ACOX3: variants seen among roughly 807,000 people sequenced by gnomAD.
ACOX3 encodes the protein peroxisomal acyl-coenzyme A oxidase 3.
In ACOX3, 73 loss-of-function variants were observed where a neutral mutation model predicts 81.5. That is an observed-to-expected ratio of 0.90 (90% CI 0.74 to 1.09). ACOX3 has a LOEUF of 1.09. Among genes scored for constraint, ACOX3 ranks in the 50% least tolerant of loss-of-function variants. The pLI is 0.00. For synonymous variants in ACOX3, 387 were observed against 375.1 expected, an observed-to-expected ratio of 1.03 and a Z score of -0.37; for missense variants, 947 against 928.0, an observed-to-expected ratio of 1.02 and a Z score of -0.27.
rs1715458714 is a variant in ACOX3, at chr4:8,366,464, T to A, written c.*497A>T. 6.6e-6 allele frequency: 1 copy of A among 152,380 alleles called. No homozygotes were observed. Among genetic ancestry groups the A allele is most frequent in the Admixed American group, 6.5e-5 (1 of 15,312 alleles). 9.4% of individuals were successfully genotyped at this position (152,380 alleles called of 1,614,324 possible). A position where few individuals can be genotyped will look rare whatever the true frequency, so the allele number is the denominator to read the frequency against. Reference sequence around the variant, plus strand: ...TAAGTCTTAAACCACGACATTCAGATGATCTATGTGCAAATTAATAAGGTT... The same window carrying A: ...TAAGTCTTAAACCACGACATTCAGAAGATCTATGTGCAAATTAATAAGGTT... On this transcript the variant is annotated 3_prime_UTR_variant, in exon 18 of 18. Transcript: ENST00000356406.
At chr4:8,422,265 G>T (rs1349189818) in intron 1 of ACOX3, among the ~76,000 whole-genome samples, 1 of 151,990 alleles carries the variant, frequency 6.6e-6, no homozygotes, top group East Asian at 1.9e-4. Context: ...AGATATATAA[G>T]TAGTTAAGAA....
chr4:8,415,169 A>C (rs946604270), intron 3 of ACOX3, among the ~76,000 whole-genome samples: 1 of 152,182 alleles, frequency 6.6e-6, no homozygotes, highest in Non-Finnish European at 1.5e-5. Flanking sequence ...GGTAAGACCT[A>C]CATCTCTGTG....
Position 8,414,160 on chromosome 4 carries a change from A to G in ACOX3, c.543+132T>C. ...TTCAGTGTGATGAATCTCAGTGGGT[A>G]TTTCTACACAAGTGTATGTGGACAG... On this transcript the variant is annotated intron_variant, in intron 5 of 17. Transcript: ENST00000356406. This position sits in a 1 kb window ranked among gnomAD's most constrained non-coding sequence, Gnocchi z 6.1. The G allele has an allele frequency of 1.3e-6, 1 of 754,034 alleles. No individual in the cohort carries two copies. The highest frequency in any genetic ancestry group is 2.2e-6 in the Non-Finnish European group (1 of 445,008). 46.7% of individuals were successfully genotyped at this position (754,034 alleles called of 1,614,324 possible).
Position 8,399,653 on chromosome 4 carries a change from C to A in ACOX3, c.777-1G>T, listed in dbSNP as rs1720140080. Reference sequence around the variant, plus strand: ...TCTGACCTTGTGGAACATGGCGAAACTGTGGGGAAGCAGCAGGGCTTCTGT... The same window carrying A: ...TCTGACCTTGTGGAACATGGCGAAAATGTGGGGAAGCAGCAGGGCTTCTGT... On this transcript the variant is annotated splice_acceptor_variant, in intron 7 of 17. Coordinates refer to ENST00000356406, the MANE Select transcript of ACOX3 (RefSeq NM_003501.3). LOFTEE classifies it high-confidence loss of function. The surrounding 1 kb of genome is among the most constrained non-coding windows in gnomAD (Gnocchi z 4.9). 1.9e-6 allele frequency: 3 copies of A among 1,613,856 alleles called. No homozygotes were observed. The East Asian group carries it at 6.7e-5, about 36-fold the overall frequency.
chr4:8,391,353 G>A (rs1194930367), intron 11 of ACOX3, among the ~76,000 whole-genome samples: 2 of 152,216 alleles, frequency 1.3e-5, no homozygotes, highest in Non-Finnish European at 2.9e-5. Flanking sequence ...GCGGATGATC[G>A]CTGAAAGTGT....
chr4:8,378,507 C>T (rs114134046), intron 14 of ACOX3, among the ~76,000 whole-genome samples: 2,068 of 152,172 alleles, frequency 0.014, 53 homozygotes, highest in African/African-American at 0.046. Context: ...TGCGGGGACG[C>T]CACCACCCAT....
rs147513843 is a variant in ACOX3, at chr4:8,429,798, T to C, written c.-15+10850A>G. Among the ~76,000 whole-genome samples the C allele has an allele frequency of 8.9e-3, 1,354 of 152,282 alleles. 7 individuals are homozygous for C. Among genetic ancestry groups the C allele is most frequent in the Middle Eastern group, 0.031 (9 of 292 alleles). On this transcript the variant is annotated intron_variant, in intron 1 of 17. Coordinates refer to ENST00000356406, the MANE Select transcript of ACOX3 (RefSeq NM_003501.3). ...AAGAACAAGGAAGAGCCAGGCGTTGTGCGCCATGGTTCTCTCATCTGCAGT... is the reference window on the plus strand; with the variant it reads ...AAGAACAAGGAAGAGCCAGGCGTTGCGCGCCATGGTTCTCTCATCTGCAGT...
At chr4:8,439,262 G>A (rs1181772438) in intron 1 of ACOX3, 1 of 152,092 alleles carries the variant, frequency 6.6e-6, no homozygotes, top group Non-Finnish European at 1.5e-5. Flanking sequence ...ACTTAGTCAG[G>A]AAACCCAGAC....
rs754484219 is a variant in ACOX3, at chr4:8,406,091, C to T, written c.688-48G>A. On this transcript the variant is annotated intron_variant, in intron 6 of 17. Transcript: ENST00000356406. This position sits in a 1 kb window ranked among gnomAD's most constrained non-coding sequence, Gnocchi z 5.6. Reference sequence around the variant, plus strand: ...GCAAACAGCAACTGTTACAATCACACAAAAATCAAAACAAATGTGTTCAGA... The same window carrying T: ...GCAAACAGCAACTGTTACAATCACATAAAAATCAAAACAAATGTGTTCAGA... The T allele has an allele frequency of 1.8e-5, 29 of 1,576,554 alleles. No homozygotes were observed. The Admixed American group carries it at 4.7e-4, about 25-fold the overall frequency.
intron 8 of ACOX3, among the ~76,000 whole-genome samples, chr4:8,397,329 C>T (rs149743823): frequency 4.4e-4 from 67 of 152,280 alleles, no homozygotes; most frequent in Non-Finnish European, 7.2e-4. Context: ...ATGGGGGTGC[C>T]AGGGAGGGGA....
intron 9 of ACOX3, among the ~76,000 whole-genome samples, chr4:8,395,514 G>T (rs751465035): frequency 6.6e-6 from 1 of 152,242 alleles, no homozygotes; most frequent in Non-Finnish European, 1.5e-5. Context: ...GAGCAGACAT[G>T]GCGCCAGCTG....
rs940806518 is a variant in ACOX3, at chr4:8,437,709, A to T, written c.-15+2939T>A. On this transcript the variant is annotated intron_variant, in intron 1 of 17. Transcript: ENST00000356406. The surrounding 1 kb of genome is among the most constrained non-coding windows in gnomAD (Gnocchi z 5.2). ...AGAGAGACATTAATGTGTGAGATGA[A>T]AAAAGAAAGGACACTAGAAGGGTGA... Among the ~76,000 whole-genome samples, 6 of 152,232 alleles carry T rather than the reference A, an allele frequency of 3.9e-5. No individual in the cohort carries two copies. Among genetic ancestry groups the T allele is most frequent in the Non-Finnish European group, 8.8e-5 (6 of 68,030 alleles).
intron 13 of ACOX3, among the ~76,000 whole-genome samples, chr4:8,387,794 C>A (rs561897139): frequency 6.6e-5 from 10 of 152,304 alleles, no homozygotes; most frequent in Admixed American, 3.3e-4. Context: ...CCTCGCTCCG[C>A]CCCTCCCTGC....
chr4:8,375,480 G>A (rs1431158479), intron 14 of ACOX3, among the ~76,000 whole-genome samples: 2 of 152,200 alleles, frequency 1.3e-5, no homozygotes, highest in Non-Finnish European at 2.9e-5. Flanking sequence ...GGGATGCTCT[G>A]CGGCTACAGA....
chr4:8,365,781 C>T (rs1715378718), downstream of ACOX3, among the ~76,000 whole-genome samples: 2 of 152,100 alleles, frequency 1.3e-5, no homozygotes, highest in South Asian at 4.1e-4. Context: ...CCTTTTCTAA[C>T]ATGAAAATGG....
At chr4:8,365,249 G>A (rs1560159941), downstream of ACOX3, among the ~76,000 whole-genome samples, 1 of 152,230 alleles carries the variant, frequency 6.6e-6, no homozygotes. Flanking sequence ...TGTTCTCTGG[G>A]TTTGTACTCG....
downstream of ACOX3, among the ~76,000 whole-genome samples, chr4:8,361,356 G>A (rs1715229181): frequency 6.8e-6 from 1 of 146,960 alleles, no homozygotes; most frequent in South Asian, 2.1e-4. Context: ...AACCCAGGAG[G>A]CGGAGCTCGC....
the ACOX3 span, chr4:8,357,609 G>A: frequency 3.7e-6 from 1 of 273,820 alleles, no homozygotes; most frequent in African/African-American, 2.2e-5. Context: ...TTGCTGCACA[G>A]TATTTTCAAA....
Position 8,415,935 on chromosome 4 carries a change from G to T in ACOX3, c.209C>A (p.Ser70Tyr). Residue 70 changes from serine to tyrosine, a missense_variant, in exon 3 of 18, where the codon TCC becomes TAC. Physicochemically the swap from Ser to Tyr is moderately radical, Grantham distance 144. Transcript: ENST00000356406. The stretch of plus-strand genomic sequence containing the variant: ...GTTCAGCTCGCGATACTTCTCCAAG[G>T]ACAGATCGGCTCCAGGGGAACGAGC... ...LFARSPGADL[S>Y]LEKYRELNFL... 1.9e-6 allele frequency: 3 copies of T among 1,614,220 alleles called. No homozygotes were observed. Among genetic ancestry groups the T allele is most frequent in the Non-Finnish European group, 2.5e-6 (3 of 1,180,040 alleles).
Sources: gnomAD v4.1 joint callset for allele counts (sites outside exome capture counted in the v4.1 genomes callset) on GRCh38, gnomAD v4.1.1 for gene constraint, Gnocchi (gnomAD v3.1) non-coding constraint, MANE v1.5 for transcripts, NCBI Gene and HGNC (gene_info 2026-07-23, HGNC 2026-07-21) for gene names.